Variants in GABRG3 observed in about 807,000 individuals in gnomAD.
GABRG3 encodes the protein gamma-aminobutyric acid receptor subunit gamma-3.
GABRG3 carries 25 observed loss-of-function variants against 48.8 expected under a neutral mutation model. That is an observed-to-expected ratio of 0.51 (90% CI 0.37 to 0.72). GABRG3 has a LOEUF of 0.72. GABRG3 is among the 30% of genes least tolerant of loss of function. The pLI is 0.00. For synonymous variants in GABRG3, 227 were observed against 217.6 expected (o/e 1.04, Z -0.38); for missense variants, 394 against 577.9 (o/e 0.68, Z 3.26).
rs989659295 is a variant in GABRG3 at position 27,180,927 on chromosome 15, T to G, written c.271-145882T>G. On this transcript the variant is annotated intron_variant, in intron 3 of 9. Transcript: ENST00000615808. The surrounding 1 kb of genome is among the most constrained non-coding windows in gnomAD (Gnocchi z 4.2). ...TCGTTCCAGTTTAGTATTTTAGGGT[T>G]GAAAACCCCTCTCGCTTTGGGTGTT... Among the ~76,000 whole-genome samples the G allele has an allele frequency of 2.6e-5, 4 of 152,156 alleles. No homozygotes were observed. Among genetic ancestry groups the G allele is most frequent in the African/African-American group, 9.7e-5 (4 of 41,432 alleles).
At chr15:27,528,142 T>G (rs2150865137) in intron 9 of GABRG3, 150 bp downstream of exon 9, 1 of 650,264 alleles carries the variant, frequency 1.5e-6, no homozygotes, top group South Asian at 2.0e-5. Context: ...TAGTATTAGG[T>G]TAAAAATCCA....
intron 5 of GABRG3, chr15:27,350,129 A>G: frequency 2.2e-6 from 1 of 455,984 alleles, no homozygotes. Flanking sequence ...TTTCCCAGCC[A>G]CCATCTTGGC....
intron 6 of GABRG3, among the ~76,000 whole-genome samples, chr15:27,485,998 C>A (rs932267218): frequency 2.6e-5 from 4 of 152,164 alleles, no homozygotes; most frequent in African/African-American, 9.7e-5. Flanking sequence ...CTATTTGAAC[C>A]TGAGTCCAGT....
At chr15:27,524,440 A>C (rs1891228387) in intron 7 of GABRG3, among the ~76,000 whole-genome samples, 1 of 152,138 alleles carries the variant, frequency 6.6e-6, no homozygotes, top group African/African-American at 2.4e-5. Flanking sequence ...GAAAAAATAC[A>C]AAAAGTGAAA....
chr15:27,055,536 T>C (rs1456737554), intron 3 of GABRG3, among the ~76,000 whole-genome samples: 1 of 152,186 alleles, frequency 6.6e-6, no homozygotes. Context: ...TGACCTCACA[T>C]GGCAGGTCAC....
At position 27,538,163 on chromosome 15, in the gene GABRG3, A is replaced by G. The variant is rs1891592038; in HGVS notation, c.*5282A>G. The G allele has an allele frequency of 6.6e-6, 1 of 152,176 alleles. No individual in the cohort carries two copies. Among genetic ancestry groups the G allele is most frequent in the South Asian group, 2.1e-4 (1 of 4,832 alleles). The allele number at this position is 152,176 out of a possible 1,614,324, so 9.4% of individuals were successfully genotyped here. A position where few individuals can be genotyped will look rare whatever the true frequency, so the allele number is the denominator to read the frequency against. On this transcript the variant is annotated 3_prime_UTR_variant, in exon 10 of 10. Coordinates refer to ENST00000615808, the MANE Select transcript of GABRG3 (RefSeq NM_033223.5). ...AACCTGTATTTACTTTTTTAATGCC[A>G]CCTAGCTGAATAATGCTTTGGGTTT... is the stretch of plus-strand genomic sequence containing the variant.
At chr15:27,450,310 C>T (rs1209555884) in intron 5 of GABRG3, among the ~76,000 whole-genome samples, 1 of 152,104 alleles carries the variant, frequency 6.6e-6, no homozygotes, top group Non-Finnish European at 1.5e-5. Context: ...TGCAAAAATC[C>T]TCAACAAAAG....
intron 3 of GABRG3, among the ~76,000 whole-genome samples, chr15:27,297,485 T>A (rs1353972798): frequency 2.6e-5 from 4 of 152,198 alleles, no homozygotes; most frequent in African/African-American, 9.6e-5. Context: ...TACCATACAT[T>A]TTTTATGTTT....
chr15:27,191,901 G>A (rs900048184), intron 3 of GABRG3, among the ~76,000 whole-genome samples: 1 of 151,748 alleles, frequency 6.6e-6, no homozygotes, highest in East Asian at 1.9e-4. Flanking sequence ...TCCTTCAGGA[G>A]CTCTTTTAGG....
At chr15:27,146,533 ATTTGT>A (rs1382314889) in intron 3 of GABRG3, among the ~76,000 whole-genome samples, 2 of 152,126 alleles carry the variant, frequency 1.3e-5, no homozygotes, top group African/African-American at 4.8e-5. Flanking sequence ...CAATATTTTT[ATTTGT>A]TTTATTTTTT....
intron 6 of GABRG3, among the ~76,000 whole-genome samples, chr15:27,482,857 T>C (rs1189650814): frequency 6.6e-6 from 1 of 152,202 alleles, no homozygotes; most frequent in Non-Finnish European, 1.5e-5. Context: ...CCAGGCCCTG[T>C]GAGGTGGTCT....
intron 2 of GABRG3, among the ~76,000 whole-genome samples, chr15:27,003,952 C>A (rs1272109144): frequency 7.3e-6 from 1 of 136,182 alleles, no homozygotes; most frequent in South Asian, 2.4e-4. Flanking sequence ...CCCTCACCTC[C>A]TGGACGGGGC....
At chr15:27,508,400 G>A (rs1230789683) in intron 6 of GABRG3, among the ~76,000 whole-genome samples, 1 of 152,132 alleles carries the variant, frequency 6.6e-6, no homozygotes, top group East Asian at 1.9e-4. Flanking sequence ...CCTTTTAACA[G>A]TATATTCCCT....
chr15:26,982,324 T>A (rs1213386721), intron 2 of GABRG3, among the ~76,000 whole-genome samples: 1 of 152,234 alleles, frequency 6.6e-6, no homozygotes, highest in Non-Finnish European at 1.5e-5. Context: ...GAAGTTCATG[T>A]ATCCTGTGGT....
At chr15:27,158,886 C>G (rs1004012254) in intron 3 of GABRG3, among the ~76,000 whole-genome samples, 1 of 152,108 alleles carries the variant, frequency 6.6e-6, no homozygotes, top group African/African-American at 2.4e-5. Context: ...TCTCATTTCA[C>G]TCTAGTTTGA....
chr15:26,986,979 C>G (rs372391119), intron 2 of GABRG3, among the ~76,000 whole-genome samples: 10 of 152,290 alleles, frequency 6.6e-5, no homozygotes, highest in African/African-American at 2.2e-4. Context: ...AACCTATATT[C>G]CAAGTCCTGC....
intron 3 of GABRG3, among the ~76,000 whole-genome samples, chr15:27,227,557 T>G (rs988950217): frequency 1.3e-5 from 2 of 152,164 alleles, no homozygotes; most frequent in Admixed American, 6.6e-5. Flanking sequence ...CGTGGTGGCA[T>G]GCACCTGTAG....
chr15:27,406,209 T>C (rs898630896), intron 5 of GABRG3, among the ~76,000 whole-genome samples: 2 of 149,164 alleles, frequency 1.3e-5, no homozygotes, highest in Non-Finnish European at 3.0e-5. Context: ...TGATTGAACA[T>C]ATAAATAAAT....
At chr15:27,397,868 G>A (rs146356028) in intron 5 of GABRG3, among the ~76,000 whole-genome samples, 7,263 of 147,692 alleles carry the variant, frequency 0.049, 307 homozygotes, top group South Asian at 0.2. Flanking sequence ...GCAGTGGTGC[G>A]ATCTCGGCTC....
Sources: allele counts gnomAD v4.1 joint callset (sites outside exome capture counted in the v4.1 genomes callset), GRCh38; gene constraint gnomAD v4.1.1; non-coding constraint Gnocchi (gnomAD v3.1); transcripts MANE v1.5; gene names NCBI Gene and HGNC (gene_info 2026-07-23, HGNC 2026-07-21).